The following RAB1A variants were observed in gnomAD, a reference collection of about 807,000 sequenced individuals.
The protein encoded by RAB1A is ras-related protein Rab-1A.
Under a neutral mutation model 26.0 loss-of-function variants are expected in RAB1A, and 2 were observed. That is an observed-to-expected ratio of 0.08 (90% confidence interval 0.03 to 0.24). The LOEUF (loss-of-function observed/expected upper bound fraction) is 0.24. Among genes scored for constraint, RAB1A ranks in the 10% least tolerant of loss-of-function variants. The pLI is 1.00. For synonymous variants in RAB1A, 84 were observed against 84.9 expected, an observed-to-expected ratio of 0.99 and a Z score of 0.06; for missense variants, 100 against 247.0, an observed-to-expected ratio of 0.40 and a Z score of 3.99.
In RAB1A at chr2:65,112,659, A is replaced by T. The variant is rs1027629575; in HGVS notation, c.24-7853T>A. ...AGTTCACTCTATGAGAAAGCTAAAA[A>T]CAGTTAAGGTAAGAATGGCATAGAA... On this transcript the variant is annotated intron_variant, in intron 1 of 5. Coordinates refer to ENST00000409784, the MANE Select transcript of RAB1A (RefSeq NM_004161.5). 2.0e-5 allele frequency among the ~76,000 whole-genome samples: 3 copies of T among 152,196 alleles called. No individual in the cohort carries two copies. In the East Asian group the frequency reaches 5.8e-4, roughly 29 times the overall value.
At position 65,129,412 on chromosome 2, in the gene RAB1A, G is replaced by C. The variant is rs1226880248; in HGVS notation, c.23+481C>G. Among the ~76,000 whole-genome samples the C allele has an allele frequency of 2.6e-5, 4 of 152,044 alleles. No individual in the cohort carries two copies. The East Asian group carries it at 5.8e-4, about 22-fold the overall frequency. ...AAACCTGGCGGGGAGGATGGAAGGA[G>C]AGAGAGCCAACAAGCTCAGGATTTA... On this transcript the variant is annotated intron_variant, in intron 1 of 5. Coordinates refer to ENST00000409784, the MANE Select transcript of RAB1A (RefSeq NM_004161.5).
intron 2 of RAB1A, among the ~76,000 whole-genome samples, chr2:65,098,468 T>C (rs948682368): frequency 6.6e-6 from 1 of 152,214 alleles, no homozygotes; most frequent in Non-Finnish European, 1.5e-5. Flanking sequence ...ACCCAATTTA[T>C]TCACCACAAA....
chr2:65,114,772 G>C (rs998434795), intron 1 of RAB1A, among the ~76,000 whole-genome samples: 3 of 151,914 alleles, frequency 2.0e-5, no homozygotes, highest in African/African-American at 7.3e-5. Flanking sequence ...GTGAACCCGG[G>C]AGGCGGAGCT....
intron 1 of RAB1A, among the ~76,000 whole-genome samples, chr2:65,119,563 AAAAAAACAAAAAAAC>A (rs1002847360): frequency 6.6e-5 from 10 of 151,306 alleles, no homozygotes; most frequent in Non-Finnish European, 1.3e-4. Context: ...TCTGTCTCAA[AAAAAAACAAAAAAAC>A]AAAAACAAAA....
Position 65,088,253 on chromosome 2 carries a change from C to A in RAB1A, c.*240G>T. The A allele has an allele frequency of 2.3e-6, 1 of 428,746 alleles. No individual in the cohort carries two copies. Among genetic ancestry groups the A allele is most frequent in the Non-Finnish European group, 4.1e-6 (1 of 242,934 alleles). 26.6% of individuals were successfully genotyped at this position (428,746 alleles called of 1,614,324 possible). On this transcript the variant is annotated 3_prime_UTR_variant, in exon 6 of 6. Transcript: ENST00000409784. ...TATCAGGAAAGCAACAAGGATTACA[C>A]ACATTATTTTATAAACCAGCACACA... is the stretch of plus-strand genomic sequence containing the variant.
intron 1 of RAB1A, among the ~76,000 whole-genome samples, chr2:65,127,671 AGAG>A (rs560286131): frequency 1.2e-3 from 178 of 152,328 alleles, no homozygotes; most frequent in African/African-American, 4.1e-3. Context: ...GGTGGCGGTG[AGAG>A]GAGATTTGCG....
intron 4 of RAB1A, among the ~76,000 whole-genome samples, chr2:65,090,659 A>G (rs1463720491): frequency 6.6e-6 from 1 of 152,238 alleles, no homozygotes; most frequent in Non-Finnish European, 1.5e-5. Context: ...CCAAGAACAC[A>G]GTATAAGCCA....
intron 3 of RAB1A, among the ~76,000 whole-genome samples, chr2:65,095,630 C>A (rs1669265759): frequency 6.7e-6 from 1 of 149,962 alleles, no homozygotes; most frequent in Non-Finnish European, 1.5e-5. Context: ...TCCCAAAGTG[C>A]TGGGATTACA....
chr2:65,088,751 T>G, intron 5 of RAB1A, 61 bp from the exon 6 acceptor site: 1 of 1,409,044 alleles, frequency 7.1e-7, no homozygotes, highest in South Asian at 1.4e-5. Flanking sequence ...TCTTAGTGCA[T>G]TTCTACCATC....
At position 65,100,400 on chromosome 2, in the gene RAB1A, C is replaced by CAA. The variant is rs34166798; in HGVS notation, c.97-2336_97-2335dup. ...CAGGCGACAAGGCATGTCTCTGTCT[C>CAA]AAAAAAAAAAAAAAAAAAAAAAAGT... On this transcript the variant is annotated intron_variant, in intron 2 of 5. Transcript: ENST00000409784. Among the ~76,000 whole-genome samples the CAA allele has an allele frequency of 7.4e-3, 425 of 57,566 alleles. 12 individuals carry two copies. Among genetic ancestry groups the CAA allele is most frequent in the African/African-American group, 0.021 (295 of 14,242 alleles). 37.8% of individuals were successfully genotyped at this position (57,566 alleles called of 152,430 possible).
chr2:65,107,117 G>A lies in RAB1A; in HGVS notation c.24-2311C>T, dbSNP rs778884320. On this transcript the variant is annotated intron_variant, in intron 1 of 5. Coordinates refer to ENST00000409784, the MANE Select transcript of RAB1A (RefSeq NM_004161.5). ...GTCTCGCTCTGTTGCCCAGGCTGGA[G>A]TGCAGTGAAGCAATCTCAGGTCACT... Among the ~76,000 whole-genome samples the A allele has an allele frequency of 4.6e-5, 7 of 151,940 alleles. No homozygotes were observed. In the South Asian group the frequency reaches 1.2e-3, roughly 27 times the overall value.
chr2:65,093,918 G>A (rs1410976513), intron 3 of RAB1A, among the ~76,000 whole-genome samples: 6 of 151,696 alleles, frequency 4.0e-5, no homozygotes, highest in Non-Finnish European at 7.4e-5. Context: ...CACCGTGCCC[G>A]GCCTGTGTTT....
intron 1 of RAB1A, among the ~76,000 whole-genome samples, chr2:65,108,189 C>G (rs1467321362): frequency 6.6e-6 from 1 of 151,784 alleles, no homozygotes; most frequent in Non-Finnish European, 1.5e-5. Flanking sequence ...CGATGAAACC[C>G]CGCCTCTACT....
chr2:65,102,803 A>T (rs1298597546), intron 2 of RAB1A, among the ~76,000 whole-genome samples: 1 of 151,940 alleles, frequency 6.6e-6, no homozygotes, highest in Non-Finnish European at 1.5e-5. Context: ...GCAGGTGCCT[A>T]TAATCCCAGC....
chr2:65,111,427 A>C (rs896674868), intron 1 of RAB1A, among the ~76,000 whole-genome samples: 8 of 152,134 alleles, frequency 5.3e-5, no homozygotes, highest in African/African-American at 1.9e-4. Context: ...ATTCTATAAA[A>C]TACCTATCAG....
At chr2:65,122,589 A>G (rs143936907) in intron 1 of RAB1A, among the ~76,000 whole-genome samples, 3 of 152,264 alleles carry the variant, frequency 2.0e-5, no homozygotes, top group African/African-American at 7.2e-5. Context: ...AAAGTTGATT[A>G]GCAAATTTTT....
intron 2 of RAB1A, among the ~76,000 whole-genome samples, chr2:65,104,041 G>A (rs954808523): frequency 3.9e-5 from 6 of 152,166 alleles, no homozygotes; most frequent in African/African-American, 1.4e-4. Context: ...GCCTCCCAAA[G>A]TGCTGGGATT....
rs1022026256 is a variant in RAB1A at position 65,087,107 on chromosome 2, T to C, written c.*1386A>G. The C allele has an allele frequency of 1.3e-5, 2 of 152,216 alleles. No homozygotes were observed. The highest frequency in any genetic ancestry group is 2.9e-5 in the Non-Finnish European group (2 of 68,034). 9.4% of individuals were successfully genotyped at this position (152,216 alleles called of 1,614,324 possible). ...ATATCCCAAGCCCCTGCGTGAAGAATGTTTTGGCTGCTATTTCAACCTAAG... is the reference window on the plus strand; with the variant it reads ...ATATCCCAAGCCCCTGCGTGAAGAACGTTTTGGCTGCTATTTCAACCTAAG... On this transcript the variant is annotated 3_prime_UTR_variant, in exon 6 of 6. Coordinates refer to ENST00000409784, the MANE Select transcript of RAB1A (RefSeq NM_004161.5).
At chr2:65,103,304 A>AAAAACAAAAAAAAAAAC (rs1553392775) in intron 2 of RAB1A, among the ~76,000 whole-genome samples, 3 of 112,502 alleles carry the variant, frequency 2.7e-5, no homozygotes, top group Admixed American at 2.0e-4. Context: ...TGTCTCAAAA[A>AAAAACAAAAAAAAAAAC]AAAAAAAAAA....
Sources: allele counts gnomAD v4.1 joint callset (sites outside exome capture counted in the v4.1 genomes callset), GRCh38; gene constraint gnomAD v4.1.1; transcripts MANE v1.5; gene names NCBI Gene and HGNC (gene_info 2026-07-23, HGNC 2026-07-21).